PCDHA1: variants seen among roughly 807,000 people sequenced by gnomAD.
The protein encoded by PCDHA1 is protocadherin alpha-1.
A neutral mutation model predicts 61.3 loss-of-function variants in PCDHA1; 42 were observed. The observed-to-expected ratio is 0.69, with a 90% CI of 0.54 to 0.89. The LOEUF (loss-of-function observed/expected upper bound fraction) is 0.89. Among genes scored for constraint, PCDHA1 ranks in the 40% least tolerant of loss-of-function variants. The pLI, the probability that PCDHA1 is intolerant of heterozygous loss-of-function variation, is 0.00. For missense variants in PCDHA1, 1,256 were observed against 1,235.3 expected, an observed-to-expected ratio of 1.02 and a Z score of -0.25; for synonymous variants, 610 against 553.8, an observed-to-expected ratio of 1.10 and a Z score of -1.43.
intron 1 of PCDHA1, chr5:140,853,147 G>C (rs1171856097): frequency 1.2e-6 from 1 of 825,412 alleles, no homozygotes; most frequent in Admixed American, 6.4e-5. Context: ...CCAAAATGCT[G>C]GGATTACAGG....
In PCDHA1 at chr5:140,856,011, C is replaced by G. The variant is rs782812320; in HGVS notation, c.2394+67327C>G. On this transcript the variant is annotated intron_variant, in intron 1 of 3. Transcript: ENST00000504120. Reference sequence around the variant, plus strand: ...GTCAGATCGTATGTGCGTTCTAGACCGCTGATTCGTCGATTTGTAAAACAA... The same window carrying G: ...GTCAGATCGTATGTGCGTTCTAGACGGCTGATTCGTCGATTTGTAAAACAA... The G allele has an allele frequency of 1.4e-5, 22 of 1,546,178 alleles. 1 individual carries two copies. The highest frequency in any genetic ancestry group is 1.7e-4 in the Middle Eastern group (1 of 5,742).
At chr5:140,871,198 C>T (rs540384431) in intron 1 of PCDHA1, 3 of 1,613,730 alleles carry the variant, frequency 1.9e-6, no homozygotes, top group African/African-American at 1.3e-5. Context: ...CAACGTGTAC[C>T]TGATCATCGC....
Position 140,859,254 on chromosome 5 carries a change from G to T in PCDHA1, c.2394+70570G>T, listed in dbSNP as rs1005222858. 2 of 131,816 alleles carry T rather than the reference G, an allele frequency of 1.5e-5. 1 individual carries two copies. The allele number at this position is 131,816 out of a possible 1,614,324, so 8.2% of individuals were successfully genotyped here. ...AGTCATGCTTATGTTTAATAATGAA[G>T]AGAATTTGAACACTTTTTACTTTTG... On this transcript the variant is annotated intron_variant, in intron 1 of 3. Transcript: ENST00000504120.
chr5:140,854,977 TAA>T (rs1490138607), intron 1 of PCDHA1, among the ~76,000 whole-genome samples: 1 of 149,962 alleles, frequency 6.7e-6, no homozygotes, highest in Non-Finnish European at 1.5e-5. Flanking sequence ...GAATTATAAT[TAA>T]GATTCTTTTT....
chr5:140,809,450 A>C, intron 1 of PCDHA1: 1 of 1,614,192 alleles, frequency 6.2e-7, no homozygotes, highest in Non-Finnish European at 8.5e-7. Context: ...GCAGCAGAGG[A>C]GGCCGAGGGT....
At chr5:140,984,980 C>T (rs1206801991) in intron 3 of PCDHA1, among the ~76,000 whole-genome samples, 1 of 152,092 alleles carries the variant, frequency 6.6e-6, no homozygotes, top group African/African-American at 2.4e-5. Context: ...CTCTGTCCCC[C>T]AGGCTGGAGT....
intron 3 of PCDHA1, among the ~76,000 whole-genome samples, chr5:140,986,426 T>C (rs1405347449): frequency 1.3e-5 from 2 of 152,216 alleles, no homozygotes; most frequent in East Asian, 3.9e-4. Context: ...TTTAACTTCA[T>C]GAGTACTAAT....
intron 3 of PCDHA1, among the ~76,000 whole-genome samples, chr5:140,990,330 A>C (rs1554251426): frequency 6.6e-6 from 1 of 152,122 alleles, no homozygotes; most frequent in African/African-American, 2.4e-5. Context: ...AAACTTTAAA[A>C]ATAAGTAAAG....
intron 1 of PCDHA1, chr5:140,795,044 G>A: frequency 6.2e-7 from 1 of 1,613,886 alleles, no homozygotes; most frequent in Non-Finnish European, 8.5e-7. Flanking sequence ...TGGGAGGTGG[G>A]GAGCGGCCAG....
chr5:140,955,986 C>A (rs2095245113), intron 1 of PCDHA1, among the ~76,000 whole-genome samples: 1 of 152,124 alleles, frequency 6.6e-6, no homozygotes, highest in Non-Finnish European at 1.5e-5. Flanking sequence ...GCAATTTTTG[C>A]ACATTGATTT....
intron 1 of PCDHA1, chr5:140,823,168 G>T (rs782693358): frequency 6.2e-7 from 1 of 1,613,838 alleles, no homozygotes; most frequent in African/African-American, 1.3e-5. Flanking sequence ...GTTCGTGAAG[G>T]AGAACAACCC....
chr5:141,007,653 C>T (rs373127730), intron 3 of PCDHA1, among the ~76,000 whole-genome samples: 1 of 152,126 alleles, frequency 6.6e-6, no homozygotes, highest in African/African-American at 2.4e-5. Context: ...GCCTAAAAAA[C>T]CATAAATTTA....
intron 1 of PCDHA1, among the ~76,000 whole-genome samples, chr5:140,945,037 T>C (rs2093728945): frequency 6.6e-6 from 1 of 152,178 alleles, no homozygotes; most frequent in Non-Finnish European, 1.5e-5. Context: ...TAATTATCTT[T>C]GGTCTTATAT....
chr5:140,791,176 G>T (rs950296859), intron 1 of PCDHA1, among the ~76,000 whole-genome samples: 1 of 152,204 alleles, frequency 6.6e-6, no homozygotes, highest in Non-Finnish European at 1.5e-5. Flanking sequence ...AGCCACTACC[G>T]ATATTCCTCT....
intron 1 of PCDHA1, among the ~76,000 whole-genome samples, chr5:140,947,353 A>G (rs1041468487): frequency 4.6e-5 from 7 of 151,616 alleles, no homozygotes; most frequent in African/African-American, 1.7e-4. Context: ...TCTGGACTCT[A>G]TTTCACTCCT....
chr5:140,855,643 A>G (rs1205505162), intron 1 of PCDHA1, among the ~76,000 whole-genome samples: 1 of 149,878 alleles, frequency 6.7e-6, no homozygotes, highest in East Asian at 1.9e-4. Flanking sequence ...ATTGATAATC[A>G]TGTGGTTAGG....
At position 140,787,485 on chromosome 5, in the gene PCDHA1, T is replaced by A; in HGVS notation, c.1195T>A (p.Ser399Thr). 6.2e-7 allele frequency: 1 copy of A among 1,614,202 alleles called. No individual in the cohort carries two copies. Among genetic ancestry groups the A allele is most frequent in the South Asian group, 1.1e-5 (1 of 91,084 alleles). The change falls in exon 1 of 4, where the codon TCC (serine) becomes ACC (threonine). Residue 399 changes from serine to threonine, a missense_variant. Coordinates refer to ENST00000504120, the MANE Select transcript of PCDHA1 (RefSeq NM_018900.4). ...LMPHVPFKLV[S>T]TFKNYYSLVL... is the part of the protein sequence containing the mutation. ...GCCCCACGTCCCCTTCAAGCTGGTG[T>A]CCACCTTCAAGAATTACTACTCGTT...
chr5:140,841,675 T>C (rs2150320492), intron 1 of PCDHA1: 8 of 1,613,878 alleles, frequency 5.0e-6, no homozygotes, highest in East Asian at 2.2e-5. Context: ...AGGTTTTCCA[T>C]GTGGACGTGG....
chr5:140,957,063 C>T (rs2095330338), intron 1 of PCDHA1, among the ~76,000 whole-genome samples: 2 of 152,058 alleles, frequency 1.3e-5, no homozygotes, highest in African/African-American at 4.8e-5. Flanking sequence ...ATAAATGTGA[C>T]TGAGGGCTTT....
Sources: allele counts gnomAD v4.1 joint callset (sites outside exome capture counted in the v4.1 genomes callset), GRCh38; gene constraint gnomAD v4.1.1; transcripts MANE v1.5; gene names NCBI Gene and HGNC (gene_info 2026-07-23, HGNC 2026-07-21).